The following GATAD2A variants were observed in gnomAD, a reference collection of about 807,000 sequenced individuals.
GATAD2A encodes GATA zinc finger domain containing 2A, also known as transcriptional repressor p66-alpha.
Under a neutral mutation model 68.5 loss-of-function variants are expected in GATAD2A, and 12 were observed. The ratio of observed to expected loss-of-function variants is 0.18; its 90% CI spans 0.11 to 0.28. GATAD2A has a LOEUF of 0.28. GATAD2A is among the 10% of genes least tolerant of loss of function. The pLI, the probability that GATAD2A is intolerant of heterozygous loss-of-function variation, is 1.00. For synonymous variants in GATAD2A, 410 were observed against 375.3 expected (o/e 1.09, Z -1.07); for missense variants, 755 against 868.5 (o/e 0.87, Z 1.64).
At chr19:19,450,864 G>A (rs574998105) in intron 1 of GATAD2A, among the ~76,000 whole-genome samples, 28 of 151,386 alleles carry the variant, frequency 1.8e-4, no homozygotes, top group African/African-American at 5.1e-4. Flanking sequence ...TCCGCCTCCC[G>A]GTTTCAAGCA....
rs1259856616 is a variant in GATAD2A, at chr19:19,492,324, G to A, written c.288G>A (p.Arg96=). Residue 96 remains arginine, a synonymous_variant, in exon 3 of 12, where the codon AGG becomes AGA. Transcript: ENST00000683918. ...RTSHSDMKSE[R]RPPSPDVIVL... ...CCCACAGTGACATGAAGTCCGAGAG[G>A]AGACCCCCCTCACCTGACGTGATTG... 1.2e-6 allele frequency: 2 copies of A among 1,605,934 alleles called. No homozygotes were observed. The highest frequency in any genetic ancestry group is 2.2e-5 in the East Asian group (1 of 44,518).
chr19:19,495,876 G>A lies in GATAD2A; in HGVS notation c.747G>A (p.Arg249=), dbSNP rs762567266. Residue 249 remains arginine (R), a synonymous_variant, in exon 6 of 12, where the codon AGG becomes AGA. Transcript: ENST00000683918. ...AGGTCGTCATGCCCCCACTCGTCAG[G>A]GGGGCTCAGGTAAGCAGGGCTGTGC... ...SSQVVMPPLV[R]GAQQIHSIRQ... is the part of the protein sequence containing the mutation. 5.0e-6 allele frequency: 8 copies of A among 1,612,720 alleles called. No individual in the cohort carries two copies. The highest frequency in any genetic ancestry group is 6.8e-6 in the Non-Finnish European group (8 of 1,179,404).
At chr19:19,503,118 G>A (rs899790333) in intron 11 of GATAD2A, among the ~76,000 whole-genome samples, 7 of 152,238 alleles carry the variant, frequency 4.6e-5, no homozygotes, top group East Asian at 1.9e-4. Context: ...GCATGGTCCC[G>A]ATGGCCTGTT....
rs544017661 is a variant in GATAD2A, at chr19:19,424,099, AT to A, written c.-7+18086del. On this transcript the variant is annotated intron_variant, in intron 1 of 11. Transcript: ENST00000683918. ...ACCACCACACCCAGCTAGTTTTTAA[AT>A]TTTTTATAGAAACAGGGTCTCACTG... Among the ~76,000 whole-genome samples the A allele has an allele frequency of 1.4e-4, 21 of 151,816 alleles. No homozygotes were observed. In the East Asian group the frequency reaches 4.1e-3, roughly 29 times the overall value.
chr19:19,473,127 C>T (rs995207268), intron 2 of GATAD2A, among the ~76,000 whole-genome samples: 10 of 152,140 alleles, frequency 6.6e-5, no homozygotes, highest in African/African-American at 9.7e-5. Context: ...AAGTTGTCCC[C>T]GTTAGTGGTG....
intron 2 of GATAD2A, among the ~76,000 whole-genome samples, chr19:19,483,821 G>A (rs1237903513): frequency 2.0e-5 from 3 of 149,784 alleles, no homozygotes; most frequent in Non-Finnish European, 3.0e-5. Flanking sequence ...GTAGAGATGG[G>A]GTTTCACCAT....
intron 2 of GATAD2A, among the ~76,000 whole-genome samples, chr19:19,484,137 T>C (rs1349890407): frequency 2.0e-5 from 3 of 152,130 alleles, no homozygotes; most frequent in Non-Finnish European, 4.4e-5. Flanking sequence ...ACACAAGATA[T>C]TGCCCGGACT....
chr19:19,489,290 C>T (rs1313666845), intron 2 of GATAD2A, among the ~76,000 whole-genome samples: 3 of 152,200 alleles, frequency 2.0e-5, no homozygotes, highest in Non-Finnish European at 2.9e-5. Context: ...GTGAGCCTGG[C>T]GCCTCCATTT....
chr19:19,410,429 G>C (rs2050784193), intron 1 of GATAD2A, among the ~76,000 whole-genome samples: 1 of 152,106 alleles, frequency 6.6e-6, no homozygotes, highest in Non-Finnish European at 1.5e-5. Context: ...TGTGGGGAGG[G>C]GTGTGGCCAT....
In GATAD2A at chr19:19,397,514, C is replaced by A. The variant is rs1021710014; in HGVS notation, c.-7+11376C>A. Among the ~76,000 whole-genome samples the A allele has an allele frequency of 4.6e-5, 7 of 152,122 alleles. No homozygotes were observed. In the East Asian group the frequency reaches 1.4e-3, roughly 29 times the overall value. On this transcript the variant is annotated intron_variant, in intron 1 of 11. Coordinates refer to the GATAD2A transcript ENST00000360315. The stretch of plus-strand genomic sequence containing the variant: ...TGTTGGGATTACAGGCATGAGCCTC[C>A]GTACCGGGCCTTAAATTGAGCTTTC...
At chr19:19,435,795 A>G (rs541087652) in intron 1 of GATAD2A, among the ~76,000 whole-genome samples, 1 of 152,310 alleles carries the variant, frequency 6.6e-6, no homozygotes, top group South Asian at 2.1e-4. Flanking sequence ...GGTTGCAGTG[A>G]GCCGAGATCG....
At chr19:19,422,893 A>G (rs2052596076) in intron 1 of GATAD2A, among the ~76,000 whole-genome samples, 1 of 151,814 alleles carries the variant, frequency 6.6e-6, no homozygotes, top group South Asian at 2.1e-4. Flanking sequence ...TTGTATTTTT[A>G]GTAGAGACAG....
chr19:19,471,056 G>A (rs1290095137), intron 2 of GATAD2A, among the ~76,000 whole-genome samples: 3 of 152,124 alleles, frequency 2.0e-5, no homozygotes, highest in Non-Finnish European at 4.4e-5. Context: ...AAGAGTTTGA[G>A]ACCAGCCTGG....
At chr19:19,387,809 G>A (rs910565462) in intron 1 of GATAD2A, among the ~76,000 whole-genome samples, 2 of 152,222 alleles carry the variant, frequency 1.3e-5, no homozygotes, top group Admixed American at 1.3e-4. Flanking sequence ...TTTCTCCAGA[G>A]GTTTTCCCCT....
At chr19:19,498,743 C>G (rs767237726) in intron 8 of GATAD2A, 21 bp downstream of exon 8, 1 of 1,585,306 alleles carries the variant, frequency 6.3e-7, no homozygotes, top group Non-Finnish European at 8.6e-7. Context: ...TGGACCCAGC[C>G]GGGCTGCTTC....
At chr19:19,435,932 G>A (rs1397939049) in intron 1 of GATAD2A, among the ~76,000 whole-genome samples, 2 of 152,212 alleles carry the variant, frequency 1.3e-5, no homozygotes, top group Non-Finnish European at 2.9e-5. Flanking sequence ...GGTTAGCACT[G>A]TATTGTTTCA....
chr19:19,437,793 T>A (rs918593097), intron 1 of GATAD2A, among the ~76,000 whole-genome samples: 1 of 152,272 alleles, frequency 6.6e-6, no homozygotes, highest in African/African-American at 2.4e-5. Flanking sequence ...ATTATATGGA[T>A]GAACCACATT....
chr19:19,490,625 T>G (rs1390880271), intron 2 of GATAD2A, among the ~76,000 whole-genome samples: 1 of 152,146 alleles, frequency 6.6e-6, no homozygotes, highest in African/African-American at 2.4e-5. Context: ...CTTGATTCAC[T>G]TCGATGAATG....
chr19:19,436,026 A>T (rs1264048331), intron 1 of GATAD2A: 18 of 486,056 alleles, frequency 3.7e-5, no homozygotes, highest in Non-Finnish European at 7.4e-6. Flanking sequence ...GAAATCTGAA[A>T]TTTTGCTATG....
Sources: gnomAD v4.1 joint callset for allele counts (sites outside exome capture counted in the v4.1 genomes callset) on GRCh38, gnomAD v4.1.1 for gene constraint, MANE v1.5 for transcripts, NCBI Gene and HGNC (gene_info 2026-07-23, HGNC 2026-07-21) for gene names.